Variants in PIK3C2G observed in about 807,000 individuals in gnomAD.
The protein encoded by PIK3C2G is phosphatidylinositol-4-phosphate 3-kinase catalytic subunit type 2 gamma.
PIK3C2G carries 168 observed loss-of-function variants against 181.1 expected under a neutral mutation model. That is an observed-to-expected ratio of 0.93 (90% CI 0.82 to 1.05). The LOEUF (loss-of-function observed/expected upper bound fraction) is 1.05. Among genes scored for constraint, PIK3C2G ranks in the 50% least tolerant of loss-of-function variants. The probability of loss-of-function intolerance (pLI) is 0.00; values close to 1 mark genes in which losing one functional copy is unlikely to be tolerated. For synonymous variants in PIK3C2G, 573 were observed against 592.2 expected, an observed-to-expected ratio of 0.97 and a Z score of 0.47; for missense variants, 1,869 against 1,732.8, an observed-to-expected ratio of 1.08 and a Z score of -1.40.
At chr12:18,258,278 A>ATT (rs68125582), upstream of PIK3C2G, among the ~76,000 whole-genome samples, 12 of 150,216 alleles carry the variant, frequency 8.0e-5, no homozygotes, top group African/African-American at 2.9e-4. Context: ...TTCCCATACC[A>ATT]TTTTTTTTTT....
chr12:18,684,934 C>T, the PIK3C2G span, among the ~76,000 whole-genome samples: 1 of 151,934 alleles, frequency 6.6e-6, no homozygotes, highest in Non-Finnish European at 1.5e-5. Flanking sequence ...TAGCAATCTC[C>T]TGCTGCCACA....
chr12:18,556,236 G>C (rs1012087446), intron 26 of PIK3C2G, among the ~76,000 whole-genome samples: 1 of 152,080 alleles, frequency 6.6e-6, no homozygotes, highest in African/African-American at 2.4e-5. Context: ...AAATAAATCA[G>C]GGAGCTATTA....
At chr12:18,430,964 T>C (rs3813896) in intron 18 of PIK3C2G, among the ~76,000 whole-genome samples, 37,622 of 151,940 alleles carry the variant, frequency 0.25, 4,981 homozygotes, top group Admixed American at 0.35. Flanking sequence ...TTAAATAATC[T>C]TCCCTCAACT....
the PIK3C2G span, chr12:18,701,771 TAGTGCCTA>T: frequency 1.2e-6 from 2 of 1,600,220 alleles, no homozygotes; most frequent in East Asian, 4.5e-5. Context: ...TTTTGAATTT[TAGTGCCTA>T]AGGAAACAAT....
the PIK3C2G span, among the ~76,000 whole-genome samples, chr12:18,711,999 G>C: frequency 6.6e-6 from 1 of 151,974 alleles, no homozygotes; most frequent in African/African-American, 2.4e-5. Flanking sequence ...ATATAAATTT[G>C]TGATTTTAAG....
chr12:18,537,437 C>T (rs1943918487), intron 24 of PIK3C2G, among the ~76,000 whole-genome samples: 1 of 151,938 alleles, frequency 6.6e-6, no homozygotes, highest in Non-Finnish European at 1.5e-5. Flanking sequence ...TATTTCATCT[C>T]AGCCCTATCC....
At chr12:18,399,382 A>G (rs1464962511) in intron 15 of PIK3C2G, among the ~76,000 whole-genome samples, 1 of 148,942 alleles carries the variant, frequency 6.7e-6, no homozygotes, top group African/African-American at 2.5e-5. Flanking sequence ...TGACATATTA[A>G]AAAAAAAAAA....
rs115472573 is a variant in PIK3C2G at position 18,580,814 on chromosome 12, G to A, written c.4012-13680G>A. On this transcript the variant is annotated intron_variant, in intron 29 of 32. Transcript: ENST00000538779. ...TGATTTAAAACTCTTATGGAAATTC[G>A]TTTTTAAATTCACATTTTTACAGCA... Among the ~76,000 whole-genome samples the A allele has an allele frequency of 7.7e-3, 1,175 of 152,236 alleles. 10 individuals carry two copies. The highest frequency in any genetic ancestry group is 0.012 in the African/African-American group (505 of 41,538).
chr12:18,640,767 T>C (rs1949802144), intron 32 of PIK3C2G, among the ~76,000 whole-genome samples: 1 of 152,126 alleles, frequency 6.6e-6, no homozygotes, highest in African/African-American at 2.4e-5. Context: ...ATAAACCAAT[T>C]TGCAAGTATG....
chr12:18,496,050 CT>C lies in PIK3C2G; in HGVS notation c.2794-8del. On this transcript the variant is annotated splice_polypyrimidine_tract_variant and intron_variant, in intron 20 of 32. Coordinates refer to ENST00000538779, the MANE Select transcript of PIK3C2G (RefSeq NM_001288772.2). ...TTTTGCTCACTAGTTTTCCCTTTTT[CT>C]TTTCCTATAGGCATGTTCATATTTT... 2 of 1,417,648 alleles carry C rather than the reference CT, an allele frequency of 1.4e-6. No individual in the cohort carries two copies. The allele number at this position is 1,417,648 out of a possible 1,614,324, so 87.8% of individuals were successfully genotyped here.
intron 31 of PIK3C2G, among the ~76,000 whole-genome samples, chr12:18,619,899 T>C (rs1948771245): frequency 6.6e-6 from 1 of 152,088 alleles, no homozygotes; most frequent in South Asian, 2.1e-4. Flanking sequence ...TAATTTATTG[T>C]ATTTTTAGTA....
rs544411313 is a variant in PIK3C2G, at chr12:18,571,303, A to C, written c.4011+4246A>C. Among the ~76,000 whole-genome samples the C allele has an allele frequency of 1.6e-4, 24 of 150,834 alleles. 2 individuals are homozygous for C. The highest frequency in any genetic ancestry group is 5.9e-4 in the African/African-American group (24 of 40,406). On this transcript the variant is annotated intron_variant, in intron 29 of 32. Transcript: ENST00000538779. ...ATTTTGCAATGTTTTATGATCCTAA[A>C]TATGGGCAATTTCGGTAAAAATTCC...
intron 18 of PIK3C2G, among the ~76,000 whole-genome samples, chr12:18,432,170 C>T (rs1021183858): frequency 1.3e-5 from 2 of 152,062 alleles, no homozygotes; most frequent in African/African-American, 4.8e-5. Context: ...CTTATTACTG[C>T]TAATAAATAT....
At chr12:18,624,492 A>G (rs1287630792) in intron 31 of PIK3C2G, among the ~76,000 whole-genome samples, 5 of 151,558 alleles carry the variant, frequency 3.3e-5, no homozygotes, top group Non-Finnish European at 3.0e-5. Context: ...ATTGGCCTGT[A>G]GTTTTCTTTT....
intron 31 of PIK3C2G, among the ~76,000 whole-genome samples, chr12:18,637,383 G>A (rs2136772637): frequency 7.0e-6 from 1 of 143,650 alleles, no homozygotes; most frequent in South Asian, 2.3e-4. Context: ...GTAAGATTTT[G>A]TTCACTTGAC....
At chr12:18,722,077 T>C in the PIK3C2G span, among the ~76,000 whole-genome samples, 1 of 152,048 alleles carries the variant, frequency 6.6e-6, no homozygotes, top group Non-Finnish European at 1.5e-5. Flanking sequence ...TCTTGGACCT[T>C]AGACACTTCT....
At chr12:18,642,162 C>T (rs968642770) in intron 32 of PIK3C2G, among the ~76,000 whole-genome samples, 4 of 152,018 alleles carry the variant, frequency 2.6e-5, no homozygotes, top group Non-Finnish European at 5.9e-5. Context: ...CCTTTGGGGT[C>T]GAAACTAAGA....
chr12:18,329,317 C>A (rs371162791), intron 8 of PIK3C2G, among the ~76,000 whole-genome samples: 2 of 151,598 alleles, frequency 1.3e-5, no homozygotes, highest in South Asian at 4.1e-4. Context: ...TAATAGAAAA[C>A]CCACTCTTAT....
chr12:18,326,208 AG>A (rs1457743621), intron 8 of PIK3C2G, among the ~76,000 whole-genome samples: 2 of 152,190 alleles, frequency 1.3e-5, no homozygotes, highest in Non-Finnish European at 1.5e-5. Flanking sequence ...GTTCATTATA[AG>A]GCCACTGAAA....
Sources: allele counts gnomAD v4.1 joint callset (sites outside exome capture counted in the v4.1 genomes callset), GRCh38; gene constraint gnomAD v4.1.1; transcripts MANE v1.5; gene names NCBI Gene and HGNC (gene_info 2026-07-23, HGNC 2026-07-21).